Variants in CBL observed in about 807,000 individuals in gnomAD.
The protein encoded by CBL is Cbl proto-oncogene.
In CBL, 45 loss-of-function variants were observed where a neutral mutation model predicts 96.9. The observed-to-expected ratio is 0.46, with a 90% CI of 0.37 to 0.60. The LOEUF (loss-of-function observed/expected upper bound fraction) is 0.60, where lower values mean the gene tolerates loss of function less well. Among genes scored for constraint, CBL ranks in the 20% least tolerant of loss-of-function variants. CBL has a pLI of 0.00. For synonymous variants in CBL, 420 were observed against 426.8 expected, an observed-to-expected ratio of 0.98 and a Z score of 0.20; for missense variants, 1,024 against 1,143.5, an observed-to-expected ratio of 0.90 and a Z score of 1.51.
chr11:119,234,791 T>C (rs1466908516), intron 2 of CBL, among the ~76,000 whole-genome samples: 1 of 152,128 alleles, frequency 6.6e-6, no homozygotes, highest in East Asian at 1.9e-4. Flanking sequence ...ATTTAAAAAG[T>C]GCTGTGCGAA....
intron 12 of CBL, among the ~76,000 whole-genome samples, chr11:119,295,902 T>G (rs899081038): frequency 6.6e-6 from 1 of 152,230 alleles, no homozygotes; most frequent in Non-Finnish European, 1.5e-5. Flanking sequence ...AAGTAAATTG[T>G]AGATACCAAT....
At chr11:119,233,063 C>T (rs1288031873) in intron 2 of CBL, among the ~76,000 whole-genome samples, 8 of 152,004 alleles carry the variant, frequency 5.3e-5, no homozygotes, top group African/African-American at 1.9e-4. Context: ...AAAGCTGTAG[C>T]ATATTAGGTA....
intron 2 of CBL, among the ~76,000 whole-genome samples, chr11:119,236,065 A>T (rs1949543617): frequency 1.3e-5 from 2 of 152,022 alleles, no homozygotes; most frequent in Admixed American, 6.6e-5. Context: ...TTAAATTGAG[A>T]TATAATTCAC....
At chr11:119,285,142 G>T (rs1362987714) in intron 10 of CBL, 42 bp downstream of exon 10, 1 of 1,613,986 alleles carries the variant, frequency 6.2e-7, no homozygotes, top group Non-Finnish European at 8.5e-7. Flanking sequence ...ATTCTTTGCT[G>T]TGTACTAGTG....
At chr11:119,250,288 T>G (rs1389381714) in intron 2 of CBL, among the ~76,000 whole-genome samples, 1 of 152,202 alleles carries the variant, frequency 6.6e-6, no homozygotes, top group Non-Finnish European at 1.5e-5. Flanking sequence ...TGTCCTTGTG[T>G]GAGATCTAGG....
chr11:119,279,586 A>G (rs1171484768), intron 9 of CBL, among the ~76,000 whole-genome samples: 1 of 152,144 alleles, frequency 6.6e-6, no homozygotes, highest in African/African-American at 2.4e-5. Flanking sequence ...CAGGAATTCA[A>G]GGCGGGAGTG....
Position 119,299,904 on chromosome 11 carries a change from AT to A in CBL, c.*124del. On this transcript the variant is annotated 3_prime_UTR_variant, in exon 16 of 16. Transcript: ENST00000264033. ...AGTGAAGTCTTGCCCTCTCTGTGGG[AT>A]ATCACATCAGTGGTTCCAAGATTTC... is the stretch of plus-strand genomic sequence containing the variant. 1.1e-6 allele frequency: 1 copy of A among 911,590 alleles called. No individual in the cohort carries two copies. The highest frequency in any genetic ancestry group is 1.7e-5 in the Admixed American group (1 of 58,268). The allele number at this position is 911,590 out of a possible 1,614,324, so 56.5% of individuals were successfully genotyped here.
In CBL at chr11:119,283,625, C is replaced by CTTTTTTTTTTTTTTTT. The variant is rs398017760; in HGVS notation, c.1432-1329_1432-1314dup. ...AAATATTAATCCTTTTTAATTCTTT[C>CTTTTTTTTTTTTTTTT]TTTTTTTTTTTTTTTTTTTTTTTTT... is the stretch of plus-strand genomic sequence containing the variant. On this transcript the variant is annotated intron_variant, in intron 9 of 15. Transcript: ENST00000264033. Among the ~76,000 whole-genome samples the CTTTTTTTTTTTTTTTT allele has an allele frequency of 1.3e-3, 57 of 45,528 alleles. 12 individuals are homozygous for CTTTTTTTTTTTTTTTT. Among genetic ancestry groups the CTTTTTTTTTTTTTTTT allele is most frequent in the South Asian group, 5.7e-3 (4 of 702 alleles). 29.9% of individuals were successfully genotyped at this position (45,528 alleles called of 152,430 possible). A position where few individuals can be genotyped will look rare whatever the true frequency, so the allele number is the denominator to read the frequency against.
At position 119,299,966 on chromosome 11, in the gene CBL, T is replaced by G; in HGVS notation, c.*185T>G. ...AATGAAAATGGAGCAGCTAGTATGTTTTATTATTTTATGGGTCTTGAGTGC... is the reference window on the plus strand; with the variant it reads ...AATGAAAATGGAGCAGCTAGTATGTGTTATTATTTTATGGGTCTTGAGTGC... On this transcript the variant is annotated 3_prime_UTR_variant, in exon 16 of 16. Transcript: ENST00000264033. 1.5e-5 allele frequency: 10 copies of G among 675,154 alleles called. No homozygotes were observed. The South Asian group carries it at 1.7e-4, about 12-fold the overall frequency. 41.8% of individuals were successfully genotyped at this position (675,154 alleles called of 1,614,324 possible). A position where few individuals can be genotyped will look rare whatever the true frequency, so the allele number is the denominator to read the frequency against.
chr11:119,232,364 T>G, intron 1 of CBL, 84 bp from the exon 2 acceptor site: 1 of 1,463,590 alleles, frequency 6.8e-7, no homozygotes, highest in Non-Finnish European at 9.5e-7. Flanking sequence ...AAAGAGCACA[T>G]ATTTCATAAC....
chr11:119,303,688 C>T lies in CBL; in HGVS notation c.*3907C>T, dbSNP rs146474384. ...TTGGTGTAAGTGTCATGGATACCGA[C>T]TGTTTTTATGTTGGAATTTGTTCCA... On this transcript the variant is annotated 3_prime_UTR_variant, in exon 16 of 16. Coordinates refer to ENST00000264033, the MANE Select transcript of CBL (RefSeq NM_005188.4). 1.3e-5 allele frequency: 3 copies of T among 233,700 alleles called. No homozygotes were observed. Among genetic ancestry groups the T allele is most frequent in the Admixed American group, 5.6e-5 (1 of 17,804 alleles). 14.5% of individuals were successfully genotyped at this position (233,700 alleles called of 1,614,324 possible).
intron 9 of CBL, among the ~76,000 whole-genome samples, chr11:119,282,084 T>G (rs1305830981): frequency 6.6e-6 from 1 of 151,928 alleles, no homozygotes; most frequent in East Asian, 1.9e-4. Context: ...ATGCGTGTAA[T>G]CCCAGCACTT....
chr11:119,305,118 A>G lies in CBL; in HGVS notation c.*5337A>G, dbSNP rs1398436139. 9.0e-6 allele frequency: 2 copies of G among 222,544 alleles called. No homozygotes were observed. The highest frequency in any genetic ancestry group is 5.8e-5 in the Admixed American group (1 of 17,376). The allele number at this position is 222,544 out of a possible 1,614,324, so 13.8% of individuals were successfully genotyped here. A position where few individuals can be genotyped will look rare whatever the true frequency, so the allele number is the denominator to read the frequency against. ...AGGCTTCTACTCAAGAAGTAAAGCC[A>G]CTACTCCTGCCTTTTTGCTTAGTGG... is the stretch of plus-strand genomic sequence containing the variant. On this transcript the variant is annotated 3_prime_UTR_variant, in exon 16 of 16. Transcript: ENST00000264033.
At chr11:119,235,715 G>A (rs1390348791) in intron 2 of CBL, among the ~76,000 whole-genome samples, 3 of 152,186 alleles carry the variant, frequency 2.0e-5, no homozygotes, top group Admixed American at 6.5e-5. Context: ...AACCCATGTT[G>A]TTAAGGCTCA....
At chr11:119,266,032 A>AG (rs1555229031) in intron 2 of CBL, among the ~76,000 whole-genome samples, 7 of 148,864 alleles carry the variant, frequency 4.7e-5, no homozygotes, top group Admixed American at 2.0e-4. Context: ...AAAAAAAAAA[A>AG]AAAGAAAGAA....
intron 2 of CBL, among the ~76,000 whole-genome samples, chr11:119,255,272 C>A (rs562923494): frequency 6.6e-6 from 1 of 152,142 alleles, no homozygotes; most frequent in Non-Finnish European, 1.5e-5. Context: ...AGGGAGGAGC[C>A]AGGAGCCCCA....
Position 119,284,610 on chromosome 11 carries a change from C to G in CBL, c.1432-359C>G, listed in dbSNP as rs575040198. On this transcript the variant is annotated intron_variant, in intron 9 of 15. Transcript: ENST00000264033. ...TTTTATATGGATTCCTATTTTTAAT[C>G]TTGAAAAGATTTTTTTCTTTCTCCA... Among the ~76,000 whole-genome samples the G allele has an allele frequency of 3.9e-5, 6 of 152,194 alleles. No individual in the cohort carries two copies. The South Asian group carries it at 1.0e-3, about 26-fold the overall frequency.
At chr11:119,226,349 T>C (rs1461640862) in intron 1 of CBL, among the ~76,000 whole-genome samples, 1 of 152,184 alleles carries the variant, frequency 6.6e-6, no homozygotes, top group African/African-American at 2.4e-5. Flanking sequence ...GGAGCTAACA[T>C]TTATTGAATG....
chr11:119,226,658 A>C (rs552286384), intron 1 of CBL, among the ~76,000 whole-genome samples: 1 of 152,164 alleles, frequency 6.6e-6, no homozygotes, highest in Non-Finnish European at 1.5e-5. Flanking sequence ...GAATTTCACC[A>C]TGTTGGCCAG....
Sources: allele counts gnomAD v4.1 joint callset (sites outside exome capture counted in the v4.1 genomes callset), GRCh38; gene constraint gnomAD v4.1.1; transcripts MANE v1.5; gene names NCBI Gene and HGNC (gene_info 2026-07-23, HGNC 2026-07-21).